Variants in BMX observed in about 807,000 individuals in gnomAD.
BMX encodes cytoplasmic tyrosine-protein kinase BMX.
A neutral mutation model predicts 59.2 loss-of-function variants in BMX; 31 were observed. The ratio of observed to expected loss-of-function variants is 0.52; its 90% confidence interval spans 0.39 to 0.71. The LOEUF (loss-of-function observed/expected upper bound fraction) is 0.71, where lower values mean the gene tolerates loss of function less well. BMX is among the 30% of genes least tolerant of loss of function. BMX has a pLI of 0.00. For synonymous variants in BMX, 185 were observed against 181.0 expected, an observed-to-expected ratio of 1.02 and a Z score of -0.18; for missense variants, 474 against 491.7, an observed-to-expected ratio of 0.96 and a Z score of 0.34.
intron 18 of BMX, among the ~76,000 whole-genome samples, chrX:15,554,623 C>T (rs1278134447): frequency 9.0e-6 from 1 of 110,938 alleles, no homozygotes; most frequent in East Asian, 2.8e-4. Flanking sequence ...TAGGCTTTCT[C>T]ATGCCCAAAT....
intron 12 of BMX, 82 bp from the exon 13 acceptor site, chrX:15,536,271 G>A: frequency 2.0e-6 from 2 of 979,442 alleles, no homozygotes; most frequent in Admixed American, 2.4e-5. Context: ...ACTTTGGAGA[G>A]AGACTAGTTG....
At chrX:15,514,159 A>G (rs1361455621) in intron 4 of BMX, among the ~76,000 whole-genome samples, 1 of 112,021 alleles carries the variant, frequency 8.9e-6, no homozygotes. Flanking sequence ...CTTAGAGAGC[A>G]GGAAGGCAAG....
intron 1 of BMX, among the ~76,000 whole-genome samples, chrX:15,501,694 G>A (rs1035813493): frequency 1.8e-5 from 2 of 111,842 alleles, no homozygotes; most frequent in East Asian, 2.8e-4. Flanking sequence ...ATGATCGCCC[G>A]GATGATGCAA....
At chrX:15,510,839 T>G (rs1173159263) in intron 3 of BMX, among the ~76,000 whole-genome samples, 1 of 112,481 alleles carries the variant, frequency 8.9e-6, no homozygotes, top group East Asian at 2.8e-4. Context: ...GAGAAGATAT[T>G]GTAATCTTCA....
intron 18 of BMX, among the ~76,000 whole-genome samples, chrX:15,551,933 A>G (rs1186089753): frequency 9.0e-6 from 1 of 111,663 alleles, no homozygotes; most frequent in East Asian, 2.8e-4. Flanking sequence ...AAAGGAGAAC[A>G]TTGGAGAAAA....
intron 11 of BMX, among the ~76,000 whole-genome samples, chrX:15,531,798 A>C (rs975726202): frequency 1.2e-4 from 12 of 100,305 alleles, no homozygotes; most frequent in African/African-American, 3.9e-4. Context: ...CCTGCTGAGC[A>C]AAGATGCCTA....
At chrX:15,504,038 CCTT>C (rs1300617144) in intron 1 of BMX, among the ~76,000 whole-genome samples, 4 of 111,663 alleles carry the variant, frequency 3.6e-5, no homozygotes, top group Non-Finnish European at 7.5e-5. Flanking sequence ...AGTGAGCCCT[CCTT>C]AAGCATTGGC....
chrX:15,502,667 A>C (rs1293821809), intron 1 of BMX, among the ~76,000 whole-genome samples: 1 of 112,217 alleles, frequency 8.9e-6, no homozygotes, highest in Non-Finnish European at 1.9e-5. Flanking sequence ...GCATAACATC[A>C]TGTGAAATAA....
In BMX at chrX:15,527,247, AAT is replaced by A. The variant is rs34046926; in HGVS notation, c.884+1188_884+1189del. Among the ~76,000 whole-genome samples the A allele has an allele frequency of 3.4e-3, 193 of 56,339 alleles. 2 individuals are homozygous for A. Among genetic ancestry groups the A allele is most frequent in the African/African-American group, 6.5e-3 (74 of 11,324 alleles). 48.9% of individuals were successfully genotyped at this position (56,339 alleles called of 115,157 possible). A position where few individuals can be genotyped will look rare whatever the true frequency, so the allele number is the denominator to read the frequency against. ...ACAAACACACACACACACACACACA[AAT>A]ATATATATATATATATATATATATA... On this transcript the variant is annotated intron_variant, in intron 9 of 18. Transcript: ENST00000348343.
At chrX:15,538,914 A>C (rs1925512907) in intron 14 of BMX, among the ~76,000 whole-genome samples, 1 of 111,608 alleles carries the variant, frequency 9.0e-6, no homozygotes, top group South Asian at 3.7e-4. Context: ...AGAAGTACCT[A>C]GTACCTAGAA....
intron 11 of BMX, among the ~76,000 whole-genome samples, chrX:15,532,453 G>C (rs1925127866): frequency 1.8e-5 from 2 of 111,756 alleles, no homozygotes; most frequent in Non-Finnish European, 3.8e-5. Flanking sequence ...TGACTAATTT[G>C]AAGCTGGGCT....
intron 10 of BMX, among the ~76,000 whole-genome samples, chrX:15,530,769 T>TAGA (rs1265003729): frequency 2.7e-5 from 3 of 112,246 alleles, no homozygotes; most frequent in Non-Finnish European, 5.6e-5. Context: ...TAGCAAACTC[T>TAGA]TTTGATTTCT....
chrX:15,530,015 A>C lies in BMX; in HGVS notation c.927A>C (p.Leu309Phe), dbSNP rs1441960680. ...TCTCCAGATCACAATCTGAACAGTT[A>C]CTCAGACAAAAGGTAAATAGTCTTG... ...GNISRSQSEQLLRQKGKEGAF... is the reference protein window; with the variant it reads ...GNISRSQSEQFLRQKGKEGAF... Residue 309 changes from leucine to phenylalanine, a missense_variant, in exon 10 of 19, where the codon TTA (leucine) becomes TTC (phenylalanine). By Grantham distance (22) the Leu-to-Phe change is conservative. Transcript: ENST00000348343. The C allele has an allele frequency of 8.3e-7, 1 of 1,206,879 alleles. No homozygotes were observed. The highest frequency in any genetic ancestry group is 1.1e-6 in the Non-Finnish European group (1 of 892,778).
At chrX:15,548,500 T>C (rs1247331253) in intron 17 of BMX, among the ~76,000 whole-genome samples, 1 of 111,622 alleles carries the variant, frequency 9.0e-6, no homozygotes, top group South Asian at 3.8e-4. Flanking sequence ...CAATTATAAG[T>C]GATAGCAAAA....
chrX:15,507,795 A>C (rs1304137409), intron 1 of BMX, among the ~76,000 whole-genome samples: 1 of 111,606 alleles, frequency 9.0e-6, no homozygotes, highest in African/African-American at 3.3e-5. Flanking sequence ...TTAGGCATTT[A>C]CTTTGATTTT....
At chrX:15,545,637 G>A (rs1433500732) in intron 16 of BMX, among the ~76,000 whole-genome samples, 1 of 111,867 alleles carries the variant, frequency 8.9e-6, no homozygotes, top group African/African-American at 3.3e-5. Flanking sequence ...GATCATATCA[G>A]GAAGCTGTTG....
At chrX:15,552,819 T>G (rs1926257890) in intron 18 of BMX, among the ~76,000 whole-genome samples, 1 of 112,120 alleles carries the variant, frequency 8.9e-6, no homozygotes, top group African/African-American at 3.2e-5. Context: ...AAATAAGATT[T>G]AGTTGTATTT....
rs772548466 is a variant in BMX, at chrX:15,537,147, GAA to G, written c.1239_1240del (p.Glu415ArgfsTer26). On this transcript the variant is annotated frameshift_variant, in exon 14 of 19. Coordinates refer to ENST00000348343, the MANE Select transcript of BMX (RefSeq NM_203281.3). LOFTEE classifies it high-confidence loss of function. ...TTGCCTTGTTAGGAATCTGGGAACTGAAAAGAGAAGAGATTACCTTGTTGAAG... is the reference window on the plus strand; with the variant it reads ...TTGCCTTGTTAGGAATCTGGGAACTGAAGAGAAGAGATTACCTTGTTGAAG... ...VSLGNGIWEL[K>X]REEITLLKEL... is the part of the protein sequence containing the mutation. 1.7e-6 allele frequency: 2 copies of G among 1,210,915 alleles called. No individual in the cohort carries two copies. Among genetic ancestry groups the G allele is most frequent in the Non-Finnish European group, 2.2e-6 (2 of 895,137 alleles).
intron 9 of BMX, among the ~76,000 whole-genome samples, chrX:15,526,838 G>A (rs1452590717): frequency 3.6e-5 from 4 of 110,198 alleles, no homozygotes; most frequent in African/African-American, 6.6e-5. Context: ...CACCCGCCTC[G>A]GCCTCCCAAA....
Sources: gnomAD v4.1 joint callset for allele counts (sites outside exome capture counted in the v4.1 genomes callset) on GRCh38, gnomAD v4.1.1 for gene constraint, MANE v1.5 for transcripts, NCBI Gene and HGNC (gene_info 2026-07-23, HGNC 2026-07-21) for gene names.